NELFE: variants seen among roughly 807,000 people sequenced by gnomAD.
The protein encoded by NELFE is negative elongation factor complex member E.
A neutral mutation model predicts 55.5 loss-of-function variants in NELFE; 26 were observed. The observed-to-expected ratio is 0.47, with a 90% CI of 0.34 to 0.65. The LOEUF (loss-of-function observed/expected upper bound fraction) is 0.65, where lower values mean the gene tolerates loss of function less well. Ranked by LOEUF, NELFE falls within the 30% of genes least tolerant of loss-of-function variation. The pLI is 0.01. For synonymous variants in NELFE, 162 were observed against 178.0 expected (o/e 0.91, Z 0.72); for missense variants, 403 against 506.9 (o/e 0.80, Z 1.97).
chr6:31,957,301 A>C, intron 2 of NELFE: 1 of 613,878 alleles, frequency 1.6e-6, no homozygotes, highest in Non-Finnish European at 3.0e-6. Flanking sequence ...GCTGCAAGTA[A>C]GTATAAGTTT....
At chr6:31,953,885 C>A in intron 9 of NELFE, 54 bp from the exon 10 acceptor site, 1 of 1,499,498 alleles carries the variant, frequency 6.7e-7, no homozygotes, top group Non-Finnish European at 9.3e-7. Context: ...ACAGATAAAC[C>A]AAAGAAGTTA....
At chr6:31,955,019 ACT>A in intron 6 of NELFE, 38 bp downstream of exon 6, 1 of 1,613,008 alleles carries the variant, frequency 6.2e-7, no homozygotes, top group South Asian at 1.1e-5. Context: ...CAGGCAATCA[ACT>A]CCACCAAATG....
At chr6:31,955,367 C>G (rs145246255) in intron 4 of NELFE, 74 bp from the exon 5 acceptor site, 1 of 1,017,834 alleles carries the variant, frequency 9.8e-7, no homozygotes, top group East Asian at 2.4e-5. Flanking sequence ...GTTCCTCTTC[C>G]CTCACCCTCT....
chr6:31,952,979 T>A (rs1204842286), intron 10 of NELFE, among the ~76,000 whole-genome samples: 1 of 152,186 alleles, frequency 6.6e-6, no homozygotes, highest in Non-Finnish European at 1.5e-5. Context: ...CTTCACCCCA[T>A]CCAATGGTTC....
chr6:31,952,281 A>G lies in NELFE; in HGVS notation c.*20T>C. On this transcript the variant is annotated 3_prime_UTR_variant, in exon 11 of 11. Transcript: ENST00000375429. ...ACCAGCATTGGGGCATATGAGGCAC[A>G]AGGAATCCAGCTCTGTTCCCTAGAA... The G allele has an allele frequency of 6.3e-7, 1 of 1,598,270 alleles. No individual in the cohort carries two copies. Among genetic ancestry groups the G allele is most frequent in the Non-Finnish European group, 8.6e-7 (1 of 1,166,678 alleles).
chr6:31,955,530 C>G (rs1330166266), intron 4 of NELFE, among the ~76,000 whole-genome samples: 1 of 150,436 alleles, frequency 6.6e-6, no homozygotes, highest in Non-Finnish European at 1.5e-5. Context: ...CTTGCTGCAG[C>G]CTTGACCTCC....
Position 31,954,652 on chromosome 6 carries a change from C to CTCTCTG in NELFE, c.639_644dup (p.Asp213_Arg214dup), listed in dbSNP as rs759478514. On this transcript the variant is annotated inframe_insertion, in exon 7 of 11. Transcript: ENST00000375429. This position sits in a 1 kb window ranked among gnomAD's most constrained non-coding sequence, Gnocchi z 5.5. ...GATCCCGATCCCGATCCCTGTCCCG[C>CTCTCTG]TCTCTGTCTCTGTCTCGATCCCGGT... 1.9e-6 allele frequency: 3 copies of CTCTCTG among 1,602,834 alleles called. No individual in the cohort carries two copies. The highest frequency in any genetic ancestry group is 2.7e-5 in the African/African-American group (2 of 74,108).
chr6:31,956,630 C>G (rs1297557686), intron 4 of NELFE, 63 bp downstream of exon 4: 3 of 1,530,894 alleles, frequency 2.0e-6, no homozygotes, highest in East Asian at 4.6e-5. Context: ...TATTTTTCCC[C>G]AAACCCATCT....
chr6:31,954,192 AAACCC>A lies in NELFE; in HGVS notation c.888-63_888-59del. 1 of 1,611,630 alleles carries A rather than the reference AAACCC, an allele frequency of 6.2e-7. No homozygotes were observed. Among genetic ancestry groups the A allele is most frequent in the Non-Finnish European group, 8.5e-7 (1 of 1,177,892 alleles). On this transcript the variant is annotated intron_variant, in intron 8 of 10. Transcript: ENST00000375429. This position sits in a 1 kb window ranked among gnomAD's most constrained non-coding sequence, Gnocchi z 5.5. The stretch of plus-strand genomic sequence containing the variant: ...CCAAGGGGCTCTTCTGGACCCAACC[AAACCC>A]AGTGATAATAGGCGGCTGCAGGGAG...
At chr6:31,955,181 TCCCCA>T in intron 5 of NELFE, 33 bp downstream of exon 5, 1 of 1,611,916 alleles carries the variant, frequency 6.2e-7, no homozygotes, top group Non-Finnish European at 8.5e-7. Context: ...TATTCCTCCA[TCCCCA>T]ACCCCTCAGG....
rs1175585683 is a variant in NELFE at position 31,952,132 on chromosome 6, G to A, written c.*169C>T. On this transcript the variant is annotated 3_prime_UTR_variant, in exon 11 of 11. Coordinates refer to ENST00000375429, the MANE Select transcript of NELFE (RefSeq NM_002904.6). ...GGCAAGGGAGTGGGGAACAGGCACT[G>A]GCCATGTTGTTACACTGAGATCAAA... The A allele has an allele frequency of 1.3e-6, 2 of 1,528,396 alleles. No homozygotes were observed. The highest frequency in any genetic ancestry group is 1.8e-6 in the Non-Finnish European group (2 of 1,108,174). The allele number at this position is 1,528,396 out of a possible 1,614,324, so 94.7% of individuals were successfully genotyped here. A position where few individuals can be genotyped will look rare whatever the true frequency, so the allele number is the denominator to read the frequency against.
At chr6:31,957,104 T>A (rs915081316) in intron 2 of NELFE, 94 bp from the exon 3 acceptor site, 28 of 1,077,742 alleles carry the variant, frequency 2.6e-5, no homozygotes, top group Non-Finnish European at 3.7e-5. Flanking sequence ...CCAGGGACCG[T>A]CTTTCTTGAT....
Position 31,952,317 on chromosome 6 carries a change from A to G in NELFE, c.1127T>C (p.Leu376Pro). 6.2e-7 allele frequency: 1 copy of G among 1,613,880 alleles called. No individual in the cohort carries two copies. The highest frequency in any genetic ancestry group is 1.1e-5 in the South Asian group (1 of 91,072). The change falls in exon 11 of 11, where the codon CTT (leucine) becomes CCT (proline). Residue 376 changes from leucine to proline, a missense_variant. By Grantham distance (98) the Leu-to-Pro change is moderately conservative. This residue lies in a region of NELFE where 77 missense variants were observed against 123.3 expected (regional missense o/e 0.62). Coordinates refer to ENST00000375429, the MANE Select transcript of NELFE (RefSeq NM_002904.6). ...CTCTGTTCCCTAGAAGCCATCCACA[A>G]GGTTTTCCTTGTAGACGTCATCACT... ...VYSDDVYKEN[L>P]VDGF
At chr6:31,955,769 CTTGTT>C (rs111560107) in intron 4 of NELFE, among the ~76,000 whole-genome samples, 17,041 of 151,026 alleles carry the variant, frequency 0.11, 1,180 homozygotes, top group African/African-American at 0.18. Context: ...GCCATTGTGG[CTTGTT>C]TTGTTTTGTT....
rs1443291021 is a variant in NELFE, at chr6:31,954,471, A to C, written c.743-29T>G. On this transcript the variant is annotated intron_variant, in intron 7 of 10. Transcript: ENST00000375429. The surrounding 1 kb of genome is among the most constrained non-coding windows in gnomAD (Gnocchi z 5.5). ...TGGGAGCACAAATCATAGTCACAAG[A>C]CATAGACCATGCCACATTTCACTTA... 2 of 1,587,564 alleles carry C rather than the reference A, an allele frequency of 1.3e-6. No individual in the cohort carries two copies. Among genetic ancestry groups the C allele is most frequent in the Middle Eastern group, 1.7e-4 (1 of 5,906 alleles).
At chr6:31,955,133 A>G (rs1381693268) in intron 5 of NELFE, 37 bp from the exon 6 acceptor site, 3 of 1,612,886 alleles carry the variant, frequency 1.9e-6, no homozygotes, top group Non-Finnish European at 2.5e-6. Flanking sequence ...GATGATTTCC[A>G]GTTGCTGACA....
In NELFE at chr6:31,954,750, G is replaced by C. The variant is rs540393321; in HGVS notation, c.547C>G (p.Pro183Ala). Residue 183 changes from proline to alanine, a missense_variant, in exon 7 of 11, where the codon CCC (proline) becomes GCC (alanine). Physicochemically the swap from Pro to Ala is conservative, Grantham distance 27. This residue lies in a region of NELFE where 229 missense variants were observed against 228.3 expected (regional missense o/e 1.00). Coordinates refer to ENST00000375429, the MANE Select transcript of NELFE (RefSeq NM_002904.6). This position sits in a 1 kb window ranked among gnomAD's most constrained non-coding sequence, Gnocchi z 5.5. ...RSGAHSSASPPRSRSRDRSHE... is the reference protein window; with the variant it reads ...RSGAHSSASPARSRSRDRSHE... ...CTGCGGTCCCGGCTGCGGCTTCGGG[G>C]AGGGGAGGCTGAGGAGTGGGCACCA... is the stretch of plus-strand genomic sequence containing the variant. 77 of 1,613,326 alleles carry C rather than the reference G, an allele frequency of 4.8e-5. No homozygotes were observed. The South Asian group carries it at 7.4e-4, about 15-fold the overall frequency.
rs1771906201 is a variant in NELFE, at chr6:31,953,846, G to A, written c.943-15C>T. ...GTCCCGTTGAGCTGAAGCAGAAGAGGGGAGGCAGAGGATGGGGAGGAAAAC... is the reference window on the plus strand; with the variant it reads ...GTCCCGTTGAGCTGAAGCAGAAGAGAGGAGGCAGAGGATGGGGAGGAAAAC... On this transcript the variant is annotated splice_polypyrimidine_tract_variant and intron_variant, in intron 9 of 10. Coordinates refer to ENST00000375429, the MANE Select transcript of NELFE (RefSeq NM_002904.6). 2 of 1,601,422 alleles carry A rather than the reference G, an allele frequency of 1.2e-6. No homozygotes were observed. Among genetic ancestry groups the A allele is most frequent in the Admixed American group, 1.7e-5 (1 of 59,988 alleles).
intron 2 of NELFE, 103 bp downstream of exon 2, chr6:31,958,269 G>A (rs780161662): frequency 3.9e-6 from 4 of 1,020,624 alleles, no homozygotes; most frequent in African/African-American, 3.1e-5. Flanking sequence ...ATGTCTCTAG[G>A]TATGGGCCAG....
Sources: allele counts gnomAD v4.1 joint callset (sites outside exome capture counted in the v4.1 genomes callset), GRCh38; gene constraint gnomAD v4.1.1; regional missense constraint gnomAD v4.1.1; non-coding constraint Gnocchi (gnomAD v3.1); transcripts MANE v1.5; gene names NCBI Gene and HGNC (gene_info 2026-07-23, HGNC 2026-07-21).